The following ZNF232 variants were observed in gnomAD, a reference collection of about 807,000 sequenced individuals.
The protein encoded by ZNF232 is zinc finger protein 232.
A neutral mutation model predicts 25.2 loss-of-function variants in ZNF232; 25 were observed. That is an observed-to-expected ratio of 0.99 (90% CI 0.72 to 1.39). ZNF232 has a LOEUF of 1.39. Ranked by LOEUF, ZNF232 falls within the 40% of genes most tolerant of loss-of-function variation. The pLI is 0.00. For missense variants in ZNF232, 519 were observed against 520.9 expected, an observed-to-expected ratio of 1.00 and a Z score of 0.04; for synonymous variants, 193 against 182.9, an observed-to-expected ratio of 1.06 and a Z score of -0.45.
chr17:5,115,772 ACT>A (rs1285129180), upstream of ZNF232, among the ~76,000 whole-genome samples: 1 of 151,912 alleles, frequency 6.6e-6, no homozygotes, highest in African/African-American at 2.4e-5. Context: ...GGTCTCCTTC[ACT>A]CTCCTGCACT....
At chr17:5,114,345 T>C (rs1380338806), upstream of ZNF232, 1 of 152,352 alleles carries the variant, frequency 6.6e-6, no homozygotes, top group African/African-American at 2.4e-5. Context: ...CCACTATGAA[T>C]TCTATGATGT....
upstream of ZNF232, among the ~76,000 whole-genome samples, chr17:5,113,099 T>C (rs925225607): frequency 6.6e-6 from 1 of 152,252 alleles, no homozygotes; most frequent in Admixed American, 6.5e-5. Flanking sequence ...TGTAGTACCA[T>C]AGTAACAGTT....
chr17:5,121,883 A>G (rs2072678548), intron 1 of ZNF232: 1 of 152,730 alleles, frequency 6.5e-6, no homozygotes, highest in Non-Finnish European at 1.5e-5. Context: ...AGGAGGTGAA[A>G]CTGACAATGC....
At chr17:5,112,919 A>G (rs2072452791), upstream of ZNF232, among the ~76,000 whole-genome samples, 1 of 151,914 alleles carries the variant, frequency 6.6e-6, no homozygotes, top group African/African-American at 2.4e-5. Flanking sequence ...AGATTGTGCC[A>G]CTGCACTCTA....
chr17:5,115,459 GACA>G, upstream of ZNF232, among the ~76,000 whole-genome samples: 1 of 152,024 alleles, frequency 6.6e-6, no homozygotes, highest in Non-Finnish European at 1.5e-5. Flanking sequence ...GCTGAGGCGG[GACA>G]ACAGCTTTAA....
At chr17:5,105,764 C>T (rs2072244665) in exon 4 of ZNF232, 3 of 1,429,328 alleles carry the variant, frequency 2.1e-6, no homozygotes, top group Non-Finnish European at 2.8e-6. Flanking sequence ...TTATGGGATC[C>T]AGTCCTAAAG....
chr17:5,105,803 G>T (rs749628192), exon 4 of ZNF232: 1 of 1,543,074 alleles, frequency 6.5e-7, no homozygotes, highest in Non-Finnish European at 8.7e-7. Context: ...AATTCTGTCT[G>T]GAGACGTTCT....
upstream of ZNF232, among the ~76,000 whole-genome samples, chr17:5,115,675 C>T (rs560788056): frequency 3.3e-5 from 5 of 152,228 alleles, no homozygotes; most frequent in South Asian, 2.1e-4. Flanking sequence ...ACTCATCAAA[C>T]CCCGGAGAAA....
At chr17:5,119,646 T>C (rs1434795541) in intron 1 of ZNF232, among the ~76,000 whole-genome samples, 3 of 152,174 alleles carry the variant, frequency 2.0e-5, no homozygotes, top group South Asian at 4.1e-4. Flanking sequence ...ATTTGTCCCT[T>C]GAGGCTCAGC....
At chr17:5,107,245 G>A (rs943999445) in intron 3 of ZNF232, among the ~76,000 whole-genome samples, 5 of 151,312 alleles carry the variant, frequency 3.3e-5, no homozygotes, top group South Asian at 2.1e-4. Context: ...AAAATTAGCC[G>A]AGCATGATGG....
upstream of ZNF232, among the ~76,000 whole-genome samples, chr17:5,115,242 T>C (rs989056172): frequency 6.6e-6 from 1 of 152,014 alleles, no homozygotes; most frequent in Non-Finnish European, 1.5e-5. Flanking sequence ...TGACTTTTAA[T>C]TGAGTTATTT....
intron 3 of ZNF232, among the ~76,000 whole-genome samples, chr17:5,107,407 AAAAAAAAAAAAAG>A (rs1485960242): frequency 6.6e-6 from 1 of 150,978 alleles, no homozygotes; most frequent in Non-Finnish European, 1.5e-5. Context: ...AAAAAAAAAA[AAAAAAAAAAAAAG>A]AGTGTGTTGC....
At chr17:5,113,414 A>AT (rs2143644626), upstream of ZNF232, 1 of 152,384 alleles carries the variant, frequency 6.6e-6, no homozygotes, top group South Asian at 2.1e-4. Flanking sequence ...CAGAAACAAT[A>AT]AAGGTTACAG....
intron 1 of ZNF232, among the ~76,000 whole-genome samples, chr17:5,122,531 G>A (rs1031033638): frequency 6.6e-6 from 1 of 152,212 alleles, no homozygotes; most frequent in Non-Finnish European, 1.5e-5. Context: ...TAGTTCCTTG[G>A]CCCGCGTGCC....
chr17:5,115,368 A>G (rs2143660446), upstream of ZNF232, among the ~76,000 whole-genome samples: 1 of 152,160 alleles, frequency 6.6e-6, no homozygotes, highest in East Asian at 1.9e-4. Context: ...CCTGGCCAAC[A>G]TGGTGAAACC....
intron 1 of ZNF232, chr17:5,120,884 G>C (rs974313692): frequency 2.2e-6 from 1 of 454,466 alleles, no homozygotes; most frequent in Non-Finnish European, 4.4e-6. Context: ...GGCTGTCCCA[G>C]TTGGAAGGAC....
exon 2 of ZNF232, chr17:5,109,445 C>T (rs1411419233): frequency 6.2e-7 from 1 of 1,614,008 alleles, no homozygotes; most frequent in Admixed American, 1.7e-5. Flanking sequence ...CAGTCACAGC[C>T]TCCTCTCCAC....
chr17:5,108,951 C>A, exon 3 of ZNF232: 1 of 1,614,130 alleles, frequency 6.2e-7, no homozygotes, highest in African/African-American at 1.3e-5. Flanking sequence ...GCTGGGTCTC[C>A]TTAGGCTGGA....
chr17:5,110,738 CA>C (rs1328639110), intron 1 of ZNF232, among the ~76,000 whole-genome samples: 1 of 151,938 alleles, frequency 6.6e-6, no homozygotes, highest in Non-Finnish European at 1.5e-5. Flanking sequence ...AGGTGTAAAC[CA>C]AAAAAGCATC....
Sources: gnomAD v4.1 joint callset for allele counts (sites outside exome capture counted in the v4.1 genomes callset) on GRCh38, gnomAD v4.1.1 for gene constraint, MANE v1.5 for transcripts, NCBI Gene and HGNC (gene_info 2026-07-23, HGNC 2026-07-21) for gene names.